SRC: variants seen among roughly 807,000 people sequenced by gnomAD.
SRC encodes the protein proto-oncogene tyrosine-protein kinase Src.
A neutral mutation model predicts 62.9 loss-of-function variants in SRC; 13 were observed. The ratio of observed to expected loss-of-function variants is 0.21; its 90% CI spans 0.13 to 0.33. The LOEUF (loss-of-function observed/expected upper bound fraction) is 0.33. Among genes scored for constraint, SRC ranks in the 10% least tolerant of loss-of-function variants. SRC has a pLI of 1.00. For missense variants in SRC, 457 were observed against 737.3 expected (o/e 0.62, Z 4.40); for synonymous variants, 302 against 317.5 (o/e 0.95, Z 0.52).
Position 37,373,418 on chromosome 20 carries a change from C to T in SRC, c.-173+8141C>T, listed in dbSNP as rs1320074473. Among the ~76,000 whole-genome samples the T allele has an allele frequency of 1.1e-4, 17 of 151,586 alleles. No homozygotes were observed. In the South Asian group the frequency reaches 3.3e-3, roughly 30 times the overall value. Reference sequence around the variant, plus strand: ...ATGCGTATATATACGCATATATACGCATATATGCGTGTATATACGCATATA... The same window carrying T: ...ATGCGTATATATACGCATATATACGTATATATGCGTGTATATACGCATATA... On this transcript the variant is annotated intron_variant, in intron 2 of 13. Coordinates refer to ENST00000373578, the MANE Select transcript of SRC (RefSeq NM_198291.3).
At chr20:37,393,790 C>T (rs1428864086) in intron 5 of SRC, 105 bp from the exon 6 acceptor site, 2 of 833,982 alleles carry the variant, frequency 2.4e-6, no homozygotes, top group Non-Finnish European at 3.9e-6. Context: ...CTGGGCCTCC[C>T]TCAGCCACTA....
intron 1 of SRC, among the ~76,000 whole-genome samples, chr20:37,353,900 G>A (rs971556036): frequency 1.3e-5 from 2 of 152,222 alleles, no homozygotes; most frequent in African/African-American, 4.8e-5. Flanking sequence ...GCTTTGGTGA[G>A]TCAGTTTAAC....
intron 5 of SRC, among the ~76,000 whole-genome samples, chr20:37,387,052 G>A (rs1053658587): frequency 9.2e-5 from 14 of 152,386 alleles, no homozygotes; most frequent in Non-Finnish European, 1.8e-4. Context: ...TGCCGGACTG[G>A]AGGGGGCTGA....
rs369017166 is a variant in SRC, at chr20:37,379,845, G to A, written c.-172-2774G>A. 3.4e-4 allele frequency among the ~76,000 whole-genome samples: 48 copies of A among 141,738 alleles called. No homozygotes were observed. The East Asian group carries it at 5.4e-3, about 16-fold the overall frequency. 93.0% of individuals were successfully genotyped at this position (141,738 alleles called of 152,430 possible). On this transcript the variant is annotated intron_variant, in intron 2 of 13. Coordinates refer to ENST00000373578, the MANE Select transcript of SRC (RefSeq NM_198291.3). ...CGGGAGGCGGAGGTTGCAGTGAGCC[G>A]AGATCGCGCCACTGCACTCCAGCCT...
chr20:37,382,089 AG>A (rs1568633234), intron 2 of SRC, among the ~76,000 whole-genome samples: 1 of 152,310 alleles, frequency 6.6e-6, no homozygotes, highest in African/African-American at 2.4e-5. Flanking sequence ...CCAGCCAGTC[AG>A]GGGGCCTTTT....
Position 37,384,173 on chromosome 20 carries a change from A to G in SRC, c.20A>G (p.Lys7Arg). 1 of 1,600,368 alleles carries G rather than the reference A, an allele frequency of 6.2e-7. No individual in the cohort carries two copies. Among genetic ancestry groups the G allele is most frequent in the African/African-American group, 1.4e-5 (1 of 73,782 alleles). The part of the protein sequence containing the change: MGSNKS[K>R]PKDASQRRRS... Reference sequence around the variant, plus strand: ...AGGACCATGGGTAGCAACAAGAGCAAGCCCAAGGATGCCAGCCAGCGGCGC... The same window carrying G: ...AGGACCATGGGTAGCAACAAGAGCAGGCCCAAGGATGCCAGCCAGCGGCGC... Residue 7 changes from lysine (K) to arginine (R), a missense_variant, in exon 4 of 14, where the codon AAG becomes AGG. Physicochemically the swap from Lys to Arg is conservative, Grantham distance 26. This residue lies in a region of SRC where 132 missense variants were observed against 135.4 expected (regional missense o/e 0.98). Transcript: ENST00000373578. This position sits in a 1 kb window ranked among gnomAD's most constrained non-coding sequence, Gnocchi z 6.7.
At position 37,396,551 on chromosome 20, in the gene SRC, G is replaced by A; in HGVS notation, c.703+240G>A. ...CCCCTCTCTCCCTGCTCCACGCAGT[G>A]TCCCACTGCCCGCCTTTCTCTGCAG... On this transcript the variant is annotated intron_variant, in intron 8 of 13. Coordinates refer to ENST00000373578, the MANE Select transcript of SRC (RefSeq NM_198291.3). This position sits in a 1 kb window ranked among gnomAD's most constrained non-coding sequence, Gnocchi z 6.1. The A allele has an allele frequency of 5.1e-6, 3 of 587,942 alleles. No individual in the cohort carries two copies. In the South Asian group the frequency reaches 6.2e-5, roughly 12 times the overall value. 36.4% of individuals were successfully genotyped at this position (587,942 alleles called of 1,614,324 possible). A position where few individuals can be genotyped will look rare whatever the true frequency, so the allele number is the denominator to read the frequency against.
At chr20:37,370,992 T>TCTTC (rs200522390) in intron 2 of SRC, among the ~76,000 whole-genome samples, 28 of 146,574 alleles carry the variant, frequency 1.9e-4, no homozygotes, top group African/African-American at 7.0e-4. Context: ...TTCTTCTTCT[T>TCTTC]TTTTTTTTTT....
Position 37,401,351 on chromosome 20 carries a change from T to C in SRC, c.1040-251T>C, listed in dbSNP as rs532416821. On this transcript the variant is annotated intron_variant, in intron 10 of 13. Coordinates refer to ENST00000373578, the MANE Select transcript of SRC (RefSeq NM_198291.3). ...CCCAGCAGTTTGTTCCTGTTGTTGCTGAGCGGGACTCCGCTGTCTGCATTA... is the reference window on the plus strand; with the variant it reads ...CCCAGCAGTTTGTTCCTGTTGTTGCCGAGCGGGACTCCGCTGTCTGCATTA... 6.6e-5 allele frequency among the ~76,000 whole-genome samples: 10 copies of C among 152,272 alleles called. 1 individual carries two copies. Among genetic ancestry groups the C allele is most frequent in the Admixed American group, 3.9e-4 (6 of 15,282 alleles).
At chr20:37,352,579 C>T (rs931856546) in intron 1 of SRC, among the ~76,000 whole-genome samples, 1 of 152,202 alleles carries the variant, frequency 6.6e-6, no homozygotes, top group Non-Finnish European at 1.5e-5. Flanking sequence ...CTCCCTCCTC[C>T]GCCTCACTGA....
intron 2 of SRC, among the ~76,000 whole-genome samples, chr20:37,367,203 G>A (rs1403727937): frequency 6.7e-6 from 1 of 148,318 alleles, no homozygotes; most frequent in Non-Finnish European, 1.5e-5. Flanking sequence ...CTCCCAAGCA[G>A]CTGGGACCAA....
In SRC at chr20:37,402,691, C is replaced by G; in HGVS notation, c.1271-58C>G. 2 of 1,577,372 alleles carry G rather than the reference C, an allele frequency of 1.3e-6. No individual in the cohort carries two copies. Among genetic ancestry groups the G allele is most frequent in the South Asian group, 1.2e-5 (1 of 85,122 alleles). ...AGCTGTCATTCCTCATGGTGCTTATCTAGCAGAGCGGTCATGACAGGAGGT... is the reference window on the plus strand; with the variant it reads ...AGCTGTCATTCCTCATGGTGCTTATGTAGCAGAGCGGTCATGACAGGAGGT... On this transcript the variant is annotated intron_variant, in intron 12 of 13. Transcript: ENST00000373578. This position sits in a 1 kb window ranked among gnomAD's most constrained non-coding sequence, Gnocchi z 6.2.
rs542130583 is a variant in SRC, at chr20:37,397,263, C to G, written c.704-436C>G. 6.6e-6 allele frequency among the ~76,000 whole-genome samples: 1 copy of G among 152,184 alleles called. No homozygotes were observed. Among genetic ancestry groups the G allele is most frequent in the Admixed American group, 6.5e-5 (1 of 15,278 alleles). On this transcript the variant is annotated intron_variant, in intron 8 of 13. Coordinates refer to ENST00000373578, the MANE Select transcript of SRC (RefSeq NM_198291.3). The surrounding 1 kb of genome is among the most constrained non-coding windows in gnomAD (Gnocchi z 4.1). ...GGCTCTTCCCTACTTAACCCCTCAC[C>G]GTCCTGCACATCCAAGCTCAGTTGC... is the stretch of plus-strand genomic sequence containing the variant.
intron 5 of SRC, chr20:37,386,424 T>A: frequency 1.4e-6 from 1 of 716,522 alleles, no homozygotes; most frequent in East Asian, 2.7e-5. Flanking sequence ...TCTCTCAGCT[T>A]CTCCCTCTCT....
intron 1 of SRC, among the ~76,000 whole-genome samples, chr20:37,347,610 C>T (rs540005998): frequency 3.3e-5 from 5 of 152,270 alleles, no homozygotes; most frequent in African/African-American, 7.2e-5. Context: ...GCCCTGGCAC[C>T]GTCCTGCCAG....
chr20:37,352,503 C>T (rs1171798817), intron 1 of SRC, among the ~76,000 whole-genome samples: 2 of 152,200 alleles, frequency 1.3e-5, no homozygotes, highest in Non-Finnish European at 2.9e-5. Context: ...AGCCTGGCTT[C>T]TGCCTTAGCC....
chr20:37,368,124 A>C (rs1184085110), intron 2 of SRC, among the ~76,000 whole-genome samples: 1 of 152,110 alleles, frequency 6.6e-6, no homozygotes, highest in Non-Finnish European at 1.5e-5. Context: ...TGTATTTAAG[A>C]AATCATAATC....
intron 5 of SRC, 87 bp downstream of exon 5, chr20:37,386,261 G>T: frequency 7.9e-7 from 1 of 1,259,508 alleles, no homozygotes; most frequent in Non-Finnish European, 1.2e-6. Context: ...TGGCATCAGG[G>T]CAGCACAGTG....
chr20:37,399,313 C>T (rs2070703217), intron 9 of SRC, among the ~76,000 whole-genome samples: 1 of 152,152 alleles, frequency 6.6e-6, no homozygotes, highest in African/African-American at 2.4e-5. Flanking sequence ...GACAGTGTCT[C>T]ATTTTGGGGG....
Sources: gnomAD v4.1 joint callset for allele counts (sites outside exome capture counted in the v4.1 genomes callset) on GRCh38, gnomAD v4.1.1 for gene constraint, gnomAD v4.1.1 regional missense constraint, Gnocchi (gnomAD v3.1) non-coding constraint, MANE v1.5 for transcripts, NCBI Gene and HGNC (gene_info 2026-07-23, HGNC 2026-07-21) for gene names.